The following CTU1 variants were observed in gnomAD, a reference collection of about 807,000 sequenced individuals.
The protein encoded by CTU1 is cytosolic thiouridylase subunit 1, also known as cytoplasmic tRNA 2-thiolation protein 1.
CTU1 carries 15 observed loss-of-function variants against 12.9 expected under a neutral mutation model. The ratio of observed to expected loss-of-function variants is 1.16; its 90% CI spans 0.78 to 1.79. The LOEUF (loss-of-function observed/expected upper bound fraction) is 1.79. CTU1 is among the 40% of genes most tolerant of loss of function. The pLI, the probability that CTU1 is intolerant of heterozygous loss-of-function variation, is 0.00. For synonymous variants in CTU1, 295 were observed against 275.6 expected (o/e 1.07, Z -0.70); for missense variants, 553 against 550.5 (o/e 1.00, Z -0.05).
intron 1 of CTU1, among the ~76,000 whole-genome samples, chr19:51,107,408 G>A (rs1200090465): frequency 1.3e-5 from 2 of 152,186 alleles, no homozygotes; most frequent in African/African-American, 2.4e-5. Context: ...AGGCTGCAGT[G>A]AGCCATGATC....
intron 1 of CTU1, among the ~76,000 whole-genome samples, chr19:51,106,453 C>T (rs1019761780): frequency 3.3e-5 from 5 of 152,232 alleles, no homozygotes; most frequent in Admixed American, 3.3e-4. Flanking sequence ...CTCTTCATGT[C>T]CTCAGGTCCT....
chr19:51,097,704 A>T lies in CTU1; in HGVS notation c.*897T>A, dbSNP rs918470111. 1 of 103,664 alleles carries T rather than the reference A, an allele frequency of 9.6e-6. No individual in the cohort carries two copies. The highest frequency in any genetic ancestry group is 2.1e-5 in the Non-Finnish European group (1 of 47,336). 6.4% of individuals were successfully genotyped at this position (103,664 alleles called of 1,614,324 possible). Reference sequence around the variant, plus strand: ...GGGGGGGATGGGGGGGCGGGGGGGAAGGGGGCTGATTATATTTTCATAGGA... The same window carrying T: ...GGGGGGGATGGGGGGGCGGGGGGGATGGGGGCTGATTATATTTTCATAGGA... On this transcript the variant is annotated 3_prime_UTR_variant, in exon 3 of 3. Transcript: ENST00000421832.
chr19:51,105,976 GTCTC>G (rs761151620), intron 1 of CTU1, among the ~76,000 whole-genome samples: 7 of 152,228 alleles, frequency 4.6e-5, no homozygotes, highest in African/African-American at 1.2e-4. Flanking sequence ...AGTCTGGTCT[GTCTC>G]TCTCCTGGAC....
Position 51,104,101 on chromosome 19 carries a change from C to T in CTU1, c.469G>A (p.Glu157Lys). The change falls in exon 2 of 3, where the codon GAA becomes AAA. Residue 157 changes from glutamate to lysine, a missense_variant. This residue lies in a region of CTU1 where 500 missense variants were observed against 458.5 expected (regional missense o/e 1.09). Coordinates refer to ENST00000421832, the MANE Select transcript of CTU1 (RefSeq NM_145232.4). The stretch of plus-strand genomic sequence containing the variant: ...GTGGCTCCCACGCGGCGCGCCCCTT[C>T]CTCCAGCGCCCGGCGCCGCAGCACT... ...CGVLRRRALE[E>K]GARRVGATHI... The T allele has an allele frequency of 6.8e-7, 1 of 1,475,596 alleles. No homozygotes were observed. Among genetic ancestry groups the T allele is most frequent in the Non-Finnish European group, 8.9e-7 (1 of 1,129,568 alleles). The allele number at this position is 1,475,596 out of a possible 1,614,324, so 91.4% of individuals were successfully genotyped here.
intron 1 of CTU1, among the ~76,000 whole-genome samples, chr19:51,107,439 G>A (rs1313371594): frequency 6.6e-6 from 1 of 152,168 alleles, no homozygotes; most frequent in African/African-American, 2.4e-5. Flanking sequence ...ACTCCAGCGT[G>A]GGTGATAGAG....
rs143930371 is a variant in CTU1 at position 51,102,089 on chromosome 19, C to T, written c.508+1973G>A. Among the ~76,000 whole-genome samples the T allele has an allele frequency of 4.8e-3, 728 of 152,240 alleles. 6 individuals are homozygous for T. Among genetic ancestry groups the T allele is most frequent in the African/African-American group, 0.016 (680 of 41,542 alleles). On this transcript the variant is annotated intron_variant, in intron 2 of 2. Coordinates refer to ENST00000421832, the MANE Select transcript of CTU1 (RefSeq NM_145232.4). ...CGTGATCTCGACTCACTGCAACCTCCGCCTCCCGGGTTCAAGCAATTCTCC... is the reference window on the plus strand; with the variant it reads ...CGTGATCTCGACTCACTGCAACCTCTGCCTCCCGGGTTCAAGCAATTCTCC...
intron 1 of CTU1, among the ~76,000 whole-genome samples, chr19:51,107,934 T>C (rs1046180023): frequency 7.9e-5 from 12 of 152,190 alleles, no homozygotes; most frequent in African/African-American, 2.9e-4. Context: ...AGGGTTGGTC[T>C]GGTGCCCTCG....
At chr19:51,101,167 C>A (rs1416481297) in intron 2 of CTU1, among the ~76,000 whole-genome samples, 1 of 152,164 alleles carries the variant, frequency 6.6e-6, no homozygotes, top group Non-Finnish European at 1.5e-5. Flanking sequence ...TGGTCTTGAA[C>A]TCCTCTGAGC....
In CTU1 at chr19:51,104,362, C is replaced by G; in HGVS notation, c.208G>C (p.Val70Leu). ...GGKDSTVLAH[V>L]LRALAPRLGI... ...AGGCGCGGCGCCAGCGCGCGCAGCACGTGCGCCAGCACCGTGGAGTCCTTG... is the reference window on the plus strand; with the variant it reads ...AGGCGCGGCGCCAGCGCGCGCAGCAGGTGCGCCAGCACCGTGGAGTCCTTG... Residue 70 changes from valine to leucine, a missense_variant, in exon 2 of 3, where the codon GTG becomes CTG. This residue lies in a region of CTU1 where 500 missense variants were observed against 458.5 expected (regional missense o/e 1.09). Transcript: ENST00000421832. 7.0e-7 allele frequency: 1 copy of G among 1,426,136 alleles called. No homozygotes were observed. 88.3% of individuals were successfully genotyped at this position (1,426,136 alleles called of 1,614,324 possible).
chr19:51,100,476 T>C (rs2091904656), intron 2 of CTU1, among the ~76,000 whole-genome samples: 1 of 152,028 alleles, frequency 6.6e-6, no homozygotes, highest in South Asian at 2.1e-4. Context: ...CAGGTCATGG[T>C]GGCAGGCACC....
intron 1 of CTU1, among the ~76,000 whole-genome samples, chr19:51,107,093 G>A (rs2091922463): frequency 6.6e-6 from 1 of 152,154 alleles, no homozygotes; most frequent in African/African-American, 2.4e-5. Flanking sequence ...CCAGTCCTGG[G>A]GGGTCCACGT....
rs548773319 is a variant in CTU1 at position 51,103,170 on chromosome 19, A to G, written c.508+892T>C. On this transcript the variant is annotated intron_variant, in intron 2 of 2. Transcript: ENST00000421832. ...ATCTAATTGTCATAACAAGTTTATG[A>G]GCTGGGTACCATTCATAGTCCTGTT... Among the ~76,000 whole-genome samples, 10 of 152,308 alleles carry G rather than the reference A, an allele frequency of 6.6e-5. No individual in the cohort carries two copies. The South Asian group carries it at 2.1e-3, about 32-fold the overall frequency.
In CTU1 at chr19:51,104,266, C is replaced by G. The variant is rs1180254669; in HGVS notation, c.304G>C (p.Val102Leu). 1.3e-6 allele frequency: 2 copies of G among 1,504,278 alleles called. No homozygotes were observed. Among genetic ancestry groups the G allele is most frequent in the Non-Finnish European group, 1.8e-6 (2 of 1,131,812 alleles). 93.2% of individuals were successfully genotyped at this position (1,504,278 alleles called of 1,614,324 possible). Residue 102 changes from valine to leucine, a missense_variant, in exon 2 of 3, where the codon GTG (valine) becomes CTG (leucine). By Grantham distance (32) the Val-to-Leu change is conservative. Transcript: ENST00000421832. The stretch of plus-strand genomic sequence containing the variant: ...TCCCAGCGCGCCGCCTGGCGCCGCA[C>G]GGCCGCCAACGCCGCGTCCCGGTAG... The part of the protein sequence containing the change: ...GGYRDAALAA[V>L]RRQAARWELP...
At chr19:51,099,533 T>A (rs2091902284) in intron 2 of CTU1, among the ~76,000 whole-genome samples, 1 of 152,070 alleles carries the variant, frequency 6.6e-6, no homozygotes, top group Non-Finnish European at 1.5e-5. Context: ...AAGAGAAACA[T>A]AAGCTCCCCT....
intron 1 of CTU1, 97 bp from the exon 2 acceptor site, chr19:51,104,687 A>G (rs1039050509): frequency 1.0e-6 from 1 of 985,330 alleles, no homozygotes; most frequent in African/African-American, 1.7e-5. Flanking sequence ...TCTGCCCGGA[A>G]TAGACCAGGG....
chr19:51,101,082 C>T (rs185144007), intron 2 of CTU1, among the ~76,000 whole-genome samples: 70 of 151,944 alleles, frequency 4.6e-4, no homozygotes, highest in African/African-American at 1.5e-3. Context: ...GTAGCTGGGA[C>T]CACAGGTGTG....
chr19:51,103,488 G>A (rs1296492910), intron 2 of CTU1, among the ~76,000 whole-genome samples: 1 of 151,364 alleles, frequency 6.6e-6, no homozygotes, highest in Non-Finnish European at 1.5e-5. Flanking sequence ...GGGAGGCTGA[G>A]CCAGGAGAAT....
intron 1 of CTU1, among the ~76,000 whole-genome samples, chr19:51,107,437 G>A (rs1009721635): frequency 2.0e-5 from 3 of 152,142 alleles, no homozygotes; most frequent in South Asian, 2.1e-4. Context: ...GCACTCCAGC[G>A]TGGGTGATAG....
chr19:51,107,933 C>G (rs1328521767), intron 1 of CTU1, among the ~76,000 whole-genome samples: 7 of 152,126 alleles, frequency 4.6e-5, no homozygotes, highest in Admixed American at 2.0e-4. Context: ...CAGGGTTGGT[C>G]TGGTGCCCTC....
Sources: allele counts gnomAD v4.1 joint callset (sites outside exome capture counted in the v4.1 genomes callset), GRCh38; gene constraint gnomAD v4.1.1; regional missense constraint gnomAD v4.1.1; transcripts MANE v1.5; gene names NCBI Gene and HGNC (gene_info 2026-07-23, HGNC 2026-07-21).